The following ATRNL1 variants were observed in gnomAD, a reference collection of about 807,000 sequenced individuals.
ATRNL1 encodes the protein attractin like 1, also known as attractin-like protein 1.
Under a neutral mutation model 182.7 loss-of-function variants are expected in ATRNL1, and 95 were observed. The observed-to-expected ratio is 0.52, with a 90% CI of 0.44 to 0.62. The LOEUF (loss-of-function observed/expected upper bound fraction) is 0.62, where lower values mean the gene tolerates loss of function less well. Among genes scored for constraint, ATRNL1 ranks in the 20% least tolerant of loss-of-function variants. The pLI is 0.00. For synonymous variants in ATRNL1, 576 were observed against 568.3 expected, an observed-to-expected ratio of 1.01 and a Z score of -0.19; for missense variants, 1,471 against 1,679.5, an observed-to-expected ratio of 0.88 and a Z score of 2.17.
intron 1 of ATRNL1, among the ~76,000 whole-genome samples, chr10:115,097,642 A>G (rs1038593202): frequency 1.3e-5 from 2 of 151,944 alleles, no homozygotes; most frequent in African/African-American, 2.4e-5. Flanking sequence ...ATATATGCAT[A>G]TTGCCTGGCT....
intron 28 of ATRNL1, among the ~76,000 whole-genome samples, chr10:115,895,382 C>G (rs1372821397): frequency 1.3e-5 from 2 of 152,210 alleles, no homozygotes; most frequent in African/African-American, 4.8e-5. Flanking sequence ...CAAGGTTAGG[C>G]ATACAGGAGC....
chr10:115,154,129 A>G (rs1846381227), intron 5 of ATRNL1, among the ~76,000 whole-genome samples: 1 of 151,220 alleles, frequency 6.6e-6, no homozygotes, highest in East Asian at 1.9e-4. Flanking sequence ...TTTACTTCCA[A>G]CTATGCGGTC....
rs1291989503 is a variant in ATRNL1, at chr10:115,945,029, A to G, written c.*250A>G. 1.0e-5 allele frequency: 3 copies of G among 286,668 alleles called. No individual in the cohort carries two copies. Among genetic ancestry groups the G allele is most frequent in the Non-Finnish European group, 1.9e-5 (3 of 156,446 alleles). The allele number at this position is 286,668 out of a possible 1,614,324, so 17.8% of individuals were successfully genotyped here. On this transcript the variant is annotated 3_prime_UTR_variant, in exon 29 of 29. Coordinates refer to ENST00000355044, the MANE Select transcript of ATRNL1 (RefSeq NM_207303.4). The stretch of plus-strand genomic sequence containing the variant: ...GGCTTATTATAGCTAACATTAAATT[A>G]CTCTGGAAAAAGATGTATATTGTTT...
chr10:115,395,455 T>G (rs1029258936), intron 20 of ATRNL1, among the ~76,000 whole-genome samples: 1 of 152,066 alleles, frequency 6.6e-6, no homozygotes, highest in South Asian at 2.1e-4. Context: ...ACATGTTATC[T>G]TTTGCATTTC....
intron 21 of ATRNL1, among the ~76,000 whole-genome samples, chr10:115,438,997 C>A (rs964472500): frequency 2.6e-5 from 4 of 151,768 alleles, no homozygotes; most frequent in Non-Finnish European, 5.9e-5. Context: ...TTACCAATAA[C>A]ATAAACAGTT....
chr10:115,281,773 G>A (rs1230184434), intron 14 of ATRNL1, among the ~76,000 whole-genome samples: 1 of 151,338 alleles, frequency 6.6e-6, no homozygotes, highest in Non-Finnish European at 1.5e-5. Flanking sequence ...TAAGCACTCA[G>A]ACTTAATATT....
At chr10:115,404,096 A>T (rs1241565246) in intron 20 of ATRNL1, among the ~76,000 whole-genome samples, 8 of 152,168 alleles carry the variant, frequency 5.3e-5, no homozygotes, top group African/African-American at 1.2e-4. Context: ...TTCCTATGTC[A>T]GGTAAATGTT....
chr10:115,251,889 G>T (rs782362159), intron 10 of ATRNL1, among the ~76,000 whole-genome samples: 7 of 152,108 alleles, frequency 4.6e-5, no homozygotes, highest in Non-Finnish European at 7.4e-5. Context: ...TTGGCAGAAG[G>T]CTTTCAAATC....
At chr10:115,802,050 C>CAA (rs67222513) in intron 27 of ATRNL1, among the ~76,000 whole-genome samples, 1 of 142,966 alleles carries the variant, frequency 7.0e-6, no homozygotes, top group African/African-American at 2.6e-5. Context: ...ACACACAAAA[C>CAA]AAAAAAAAAC....
intron 9 of ATRNL1, among the ~76,000 whole-genome samples, chr10:115,216,613 A>AT (rs1849244176): frequency 6.6e-6 from 1 of 151,592 alleles, no homozygotes; most frequent in African/African-American, 2.4e-5. Flanking sequence ...TAATTTATTG[A>AT]TTTTTTTGGT....
chr10:115,532,742 G>A (rs1352469420), intron 25 of ATRNL1, among the ~76,000 whole-genome samples: 2 of 151,196 alleles, frequency 1.3e-5, no homozygotes, highest in Admixed American at 6.6e-5. Flanking sequence ...TGCCCATTCA[G>A]TATGATATTG....
intron 19 of ATRNL1, among the ~76,000 whole-genome samples, chr10:115,386,723 T>C (rs1259562619): frequency 6.6e-6 from 1 of 151,750 alleles, no homozygotes; most frequent in Non-Finnish European, 1.5e-5. Context: ...TGCAGGTTAG[T>C]TACATATGTA....
chr10:115,121,272 G>A (rs1349152086), intron 2 of ATRNL1, among the ~76,000 whole-genome samples: 1 of 152,030 alleles, frequency 6.6e-6, no homozygotes, highest in East Asian at 1.9e-4. Context: ...GCCGCCATGC[G>A]CAGCTAATTT....
intron 27 of ATRNL1, among the ~76,000 whole-genome samples, chr10:115,845,823 T>C (rs2134350488): frequency 6.6e-6 from 1 of 152,190 alleles, no homozygotes; most frequent in African/African-American, 2.4e-5. Flanking sequence ...TTCTTAGGTA[T>C]GGTTTTTCCA....
At chr10:115,379,699 A>C (rs1427478133) in intron 19 of ATRNL1, among the ~76,000 whole-genome samples, 2 of 152,198 alleles carry the variant, frequency 1.3e-5, no homozygotes, top group African/African-American at 4.8e-5. Context: ...AGTTTCCTTT[A>C]TTCCCTGCAG....
intron 27 of ATRNL1, among the ~76,000 whole-genome samples, chr10:115,775,333 T>A (rs1555077598): frequency 6.6e-6 from 1 of 152,220 alleles, no homozygotes; most frequent in African/African-American, 2.4e-5. Flanking sequence ...AGAAAACACC[T>A]AAGTAAAATA....
At chr10:115,295,548 G>A (rs1247429950) in intron 15 of ATRNL1, among the ~76,000 whole-genome samples, 2 of 152,164 alleles carry the variant, frequency 1.3e-5, no homozygotes, top group East Asian at 3.9e-4. Flanking sequence ...GGGCCTGCCT[G>A]GAGAGGTTGC....
chr10:115,744,032 C>T (rs975826990), intron 27 of ATRNL1, among the ~76,000 whole-genome samples: 5 of 151,862 alleles, frequency 3.3e-5, no homozygotes, highest in African/African-American at 9.7e-5. Flanking sequence ...TATTAATGAA[C>T]TTACATAAAT....
intron 18 of ATRNL1, among the ~76,000 whole-genome samples, chr10:115,324,112 C>A (rs1554932448): frequency 6.6e-6 from 1 of 152,086 alleles, no homozygotes; most frequent in Non-Finnish European, 1.5e-5. Flanking sequence ...TTGTTTAAAT[C>A]AACTCTCTCT....
Sources: gnomAD v4.1 joint callset for allele counts (sites outside exome capture counted in the v4.1 genomes callset) on GRCh38, gnomAD v4.1.1 for gene constraint, MANE v1.5 for transcripts, NCBI Gene and HGNC (gene_info 2026-07-23, HGNC 2026-07-21) for gene names.